ZBTB16: variants seen among roughly 807,000 people sequenced by gnomAD.
ZBTB16 encodes zinc finger and BTB domain containing 16, also known as zinc finger and BTB domain-containing protein 16.
In ZBTB16, 8 loss-of-function variants were observed where a neutral mutation model predicts 56.8. The ratio of observed to expected loss-of-function variants is 0.14; its 90% CI spans 0.08 to 0.25. The LOEUF (loss-of-function observed/expected upper bound fraction) is 0.25. ZBTB16 is among the 10% of genes least tolerant of loss of function. The pLI is 1.00. For synonymous variants in ZBTB16, 363 were observed against 368.5 expected (o/e 0.98, Z 0.17); for missense variants, 625 against 903.0 (o/e 0.69, Z 3.95).
Position 114,183,058 on chromosome 11 carries a change from C to T in ZBTB16, c.1367-3894C>T, listed in dbSNP as rs548474510. Among the ~76,000 whole-genome samples the T allele has an allele frequency of 2.0e-5, 3 of 152,276 alleles. No individual in the cohort carries two copies. In the South Asian group the frequency reaches 6.2e-4, roughly 32 times the overall value. ...TGTCTGTCTCGCTCGGCTCCGCTCA[C>T]GTGTCCATGGAACTGCCTGTCTTTG... is the stretch of plus-strand genomic sequence containing the variant. On this transcript the variant is annotated intron_variant, in intron 3 of 6. Transcript: ENST00000335953.
Position 114,253,009 on chromosome 11 carries a change from T to A in ZBTB16, c.*2454T>A, listed in dbSNP as rs996415798. On this transcript the variant is annotated 3_prime_UTR_variant, in exon 7 of 7. Transcript: ENST00000335953. ...TTGAAATACGTGACTAGAACAGTTG[T>A]CATGTTTATAATGTGAAAAGGGTGA... is the stretch of plus-strand genomic sequence containing the variant. Among the ~76,000 whole-genome samples, 11 of 152,198 alleles carry A rather than the reference T, an allele frequency of 7.2e-5. No homozygotes were observed. The highest frequency in any genetic ancestry group is 1.2e-4 in the Non-Finnish European group (8 of 68,040).
chr11:114,180,217 A>C (rs1448885851), intron 3 of ZBTB16, among the ~76,000 whole-genome samples: 1 of 152,202 alleles, frequency 6.6e-6, no homozygotes, highest in African/African-American at 2.4e-5. Flanking sequence ...TGGAGAACCC[A>C]AAATGGTCAG....
chr11:114,091,639 T>C (rs781155543), intron 2 of ZBTB16, among the ~76,000 whole-genome samples: 1 of 137,372 alleles, frequency 7.3e-6, no homozygotes, highest in Non-Finnish European at 1.6e-5. Flanking sequence ...CCTTCCTTCC[T>C]TCTGCTTTCC....
rs956626153 is a variant in ZBTB16, at chr11:114,173,414, C to T, written c.1367-13538C>T. 3.3e-5 allele frequency among the ~76,000 whole-genome samples: 5 copies of T among 152,176 alleles called. No homozygotes were observed. In the East Asian group the frequency reaches 5.8e-4, roughly 18 times the overall value. On this transcript the variant is annotated intron_variant, in intron 3 of 6. Transcript: ENST00000335953. The stretch of plus-strand genomic sequence containing the variant: ...GAGATGGGGATGGTGGGTGTTGTGA[C>T]GGGTGGGTCAGGTGGTGGGGCCTCT...
intron 4 of ZBTB16, among the ~76,000 whole-genome samples, chr11:114,231,230 C>G (rs773522901): frequency 6.6e-5 from 10 of 152,234 alleles, no homozygotes; most frequent in Non-Finnish European, 1.5e-4. Flanking sequence ...TCTGGACACA[C>G]AGCCAGAATG....
chr11:114,224,918 C>G (rs1944300095), intron 4 of ZBTB16, among the ~76,000 whole-genome samples: 2 of 152,110 alleles, frequency 1.3e-5, no homozygotes, highest in Non-Finnish European at 2.9e-5. Context: ...GTTTTGGTGT[C>G]AGTGGAATGA....
At chr11:114,244,982 C>A (rs2135206149) in intron 5 of ZBTB16, among the ~76,000 whole-genome samples, 1 of 152,310 alleles carries the variant, frequency 6.6e-6, no homozygotes, top group East Asian at 1.9e-4. Context: ...GATACTGAAT[C>A]TTTGATTAAA....
intron 4 of ZBTB16, among the ~76,000 whole-genome samples, chr11:114,216,920 T>A (rs1944114006): frequency 7.3e-6 from 1 of 137,432 alleles, no homozygotes; most frequent in Non-Finnish European, 1.6e-5. Context: ...TAATGCAGAA[T>A]GCTGAGTGCA....
At chr11:114,211,660 C>A (rs768726299) in intron 4 of ZBTB16, among the ~76,000 whole-genome samples, 3 of 152,214 alleles carry the variant, frequency 2.0e-5, no homozygotes, top group Non-Finnish European at 4.4e-5. Context: ...GGCGACCCGC[C>A]CCATTTCCTG....
chr11:114,078,742 G>A lies in ZBTB16; in HGVS notation c.1268+14174G>A, dbSNP rs117371594. Among the ~76,000 whole-genome samples, 933 of 152,192 alleles carry A rather than the reference G, an allele frequency of 6.1e-3. 22 individuals are homozygous for A. Among genetic ancestry groups the A allele is most frequent in the Admixed American group, 0.047 (719 of 15,290 alleles). ...TCAAGAAGGAGACTTTCTAGGAGGG[G>A]GCGGGCGTGGTATTTTCTAGGGACA... On this transcript the variant is annotated intron_variant, in intron 2 of 6. Transcript: ENST00000335953.
intron 4 of ZBTB16, among the ~76,000 whole-genome samples, chr11:114,239,745 G>T (rs1944663079): frequency 6.6e-6 from 1 of 152,170 alleles, no homozygotes; most frequent in South Asian, 2.1e-4. Context: ...TCTAGCCATT[G>T]CTGGAGCTGT....
chr11:114,066,837 C>T (rs990714057), intron 2 of ZBTB16, among the ~76,000 whole-genome samples: 2 of 137,626 alleles, frequency 1.5e-5, no homozygotes, highest in Non-Finnish European at 3.0e-5. Flanking sequence ...ATGGCGTGAT[C>T]TCAGCTCACT....
chr11:114,120,955 T>C (rs1941325246), intron 2 of ZBTB16, among the ~76,000 whole-genome samples: 1 of 152,188 alleles, frequency 6.6e-6, no homozygotes, highest in Admixed American at 6.5e-5. Flanking sequence ...GGTGCCTCCT[T>C]GGGCAGCACC....
chr11:114,177,817 G>T (rs936357316), intron 3 of ZBTB16, among the ~76,000 whole-genome samples: 1 of 151,926 alleles, frequency 6.6e-6, no homozygotes, highest in East Asian at 1.9e-4. Flanking sequence ...AATTTTTTTT[G>T]GAGACAGAGT....
chr11:114,141,443 A>G (rs936453581), intron 2 of ZBTB16, among the ~76,000 whole-genome samples: 1 of 152,132 alleles, frequency 6.6e-6, no homozygotes, highest in Non-Finnish European at 1.5e-5. Context: ...CTTGTTGTCC[A>G]CTAGGTTATG....
At chr11:114,243,203 T>A (rs915093123) in intron 5 of ZBTB16, among the ~76,000 whole-genome samples, 1 of 152,268 alleles carries the variant, frequency 6.6e-6, no homozygotes, top group Non-Finnish European at 1.5e-5. Context: ...TTTCTGAGTC[T>A]GCCTTTGTGT....
intron 2 of ZBTB16, among the ~76,000 whole-genome samples, chr11:114,146,614 AG>A (rs1454103905): frequency 2.0e-5 from 3 of 152,086 alleles, no homozygotes; most frequent in Admixed American, 2.0e-4. Flanking sequence ...TGGGAGGCCG[AG>A]GCGGGTGGAT....
intron 2 of ZBTB16, among the ~76,000 whole-genome samples, chr11:114,137,200 G>C (rs143281697): frequency 6.6e-6 from 1 of 152,232 alleles, no homozygotes; most frequent in East Asian, 1.9e-4. Context: ...TCAGGAGACC[G>C]ACCCTTTTCT....
At chr11:114,136,931 C>T (rs1449461925) in intron 2 of ZBTB16, among the ~76,000 whole-genome samples, 1 of 152,158 alleles carries the variant, frequency 6.6e-6, no homozygotes, top group African/African-American at 2.4e-5. Context: ...ATCCCATTTT[C>T]CTGCCTCACC....
Sources: allele counts gnomAD v4.1 joint callset (sites outside exome capture counted in the v4.1 genomes callset), GRCh38; gene constraint gnomAD v4.1.1; transcripts MANE v1.5; gene names NCBI Gene and HGNC (gene_info 2026-07-23, HGNC 2026-07-21).